Variants in C2orf42 observed in about 807,000 individuals in gnomAD.
C2orf42 encodes the protein chromosome 2 open reading frame 42, also known as uncharacterized protein C2orf42.
C2orf42 carries 44 observed loss-of-function variants against 58.9 expected under a neutral mutation model. That is an observed-to-expected ratio of 0.75 (90% confidence interval 0.59 to 0.96). The LOEUF (loss-of-function observed/expected upper bound fraction) is 0.96. Ranked by LOEUF, C2orf42 falls within the 40% of genes least tolerant of loss-of-function variation. The probability of loss-of-function intolerance (pLI) is 0.00; values close to 1 mark genes in which losing one functional copy is unlikely to be tolerated. For synonymous variants in C2orf42, 239 were observed against 265.4 expected (o/e 0.90, Z 0.97); for missense variants, 630 against 699.2 (o/e 0.90, Z 1.12).
At chr2:70,187,622 T>TTG (rs925643320) in intron 1 of C2orf42, among the ~76,000 whole-genome samples, 1 of 152,164 alleles carries the variant, frequency 6.6e-6, no homozygotes, top group Non-Finnish European at 1.5e-5. Context: ...TAAATCCATA[T>TTG]TTCTTTATTA....
At chr2:70,156,118 G>A (rs137941606) in intron 9 of C2orf42, among the ~76,000 whole-genome samples, 2,305 of 152,024 alleles carry the variant, frequency 0.015, 52 homozygotes, top group African/African-American at 0.053. Context: ...TTGCCCCATT[G>A]CACTCCAGCC....
chr2:70,182,138 C>T (rs568570786), intron 2 of C2orf42, 141 bp from the exon 3 acceptor site: 99 of 581,136 alleles, frequency 1.7e-4, no homozygotes, highest in Non-Finnish European at 2.6e-4. Flanking sequence ...CTCGCTCTGT[C>T]GCCCAGGCTG....
At chr2:70,186,710 C>G (rs1303386612) in intron 1 of C2orf42, among the ~76,000 whole-genome samples, 1 of 152,136 alleles carries the variant, frequency 6.6e-6, no homozygotes, top group Non-Finnish European at 1.5e-5. Flanking sequence ...ACCCAAATAT[C>G]CAACAATGAT....
intron 1 of C2orf42, among the ~76,000 whole-genome samples, chr2:70,189,406 C>CAAAAAAAAAAAAAAAAAAAA (rs1182514916): frequency 3.7e-5 from 1 of 27,126 alleles, no homozygotes; most frequent in Non-Finnish European, 7.8e-5. Context: ...AACTCCATCT[C>CAAAAAAAAAAAAAAAAAAAA]AAAAAAAAAA....
chr2:70,175,574 TG>T, intron 5 of C2orf42, 98 bp downstream of exon 5: 3 of 783,806 alleles, frequency 3.8e-6, no homozygotes, highest in South Asian at 1.4e-5. Context: ...GTATTTATGC[TG>T]GGACTCTTTG....
At chr2:70,171,587 T>C (rs569320946) in intron 5 of C2orf42, among the ~76,000 whole-genome samples, 1 of 152,152 alleles carries the variant, frequency 6.6e-6, no homozygotes, top group South Asian at 2.1e-4. Context: ...CTCAGCTCAC[T>C]GCAACCCCTG....
At chr2:70,181,074 T>A (rs1017411996) in intron 3 of C2orf42, 89 bp downstream of exon 3, 1 of 676,050 alleles carries the variant, frequency 1.5e-6, no homozygotes, top group Admixed American at 2.6e-5. Flanking sequence ...TTTCTGAAGG[T>A]TGCTAAGACA....
In C2orf42 at chr2:70,170,254, A is replaced by AT. The variant is rs11357433; in HGVS notation, c.1040-594dup. Reference sequence around the variant, plus strand: ...ACTAAGTGAAATAAGATATTCTGGGATTTTTTTTTTTTTCTTCAGTCTCAC... The same window carrying AT: ...ACTAAGTGAAATAAGATATTCTGGGATTTTTTTTTTTTTTCTTCAGTCTCAC... On this transcript the variant is annotated intron_variant, in intron 5 of 9. Coordinates refer to ENST00000264434, the MANE Select transcript of C2orf42 (RefSeq NM_017880.3). Among the ~76,000 whole-genome samples, 379 of 142,362 alleles carry AT rather than the reference A, an allele frequency of 2.7e-3. 1 individual carries two copies. The highest frequency in any genetic ancestry group is 4.1e-3 in the Non-Finnish European group (266 of 65,046). 93.4% of individuals were successfully genotyped at this position (142,362 alleles called of 152,430 possible).
chr2:70,164,003 T>A (rs1673230180), intron 8 of C2orf42, among the ~76,000 whole-genome samples: 1 of 148,070 alleles, frequency 6.8e-6, no homozygotes, highest in Non-Finnish European at 1.5e-5. Flanking sequence ...GACCCTATCT[T>A]AAATTTTTTT....
In C2orf42 at chr2:70,181,734, A is replaced by G. The variant is rs536016480; in HGVS notation, c.252T>C (p.Pro84=). 2.5e-6 allele frequency: 4 copies of G among 1,614,180 alleles called. No individual in the cohort carries two copies. Among genetic ancestry groups the G allele is most frequent in the East Asian group, 2.2e-5 (1 of 44,882 alleles). ...VYSVRQRDRG[P]DYRCFVELGV... is the part of the protein sequence containing the mutation. ...CGAGCTCCACAAAGCATCGGTAATC[A>G]GGGCCCCGGTCTCTTTGCCGCACTG... Residue 84 remains proline (P), a synonymous_variant, in exon 3 of 10, where the codon CCT becomes CCC. Coordinates refer to ENST00000264434, the MANE Select transcript of C2orf42 (RefSeq NM_017880.3).
At chr2:70,190,437 T>A (rs1393306089) in intron 1 of C2orf42, 2 of 152,234 alleles carry the variant, frequency 1.3e-5, no homozygotes, top group Non-Finnish European at 2.9e-5. Flanking sequence ...TCTATGCATG[T>A]ACTGCCCACA....
At chr2:70,176,848 T>C (rs1376237850) in intron 4 of C2orf42, among the ~76,000 whole-genome samples, 1 of 152,158 alleles carries the variant, frequency 6.6e-6, no homozygotes, top group Non-Finnish European at 1.5e-5. Context: ...TTTACCATGG[T>C]TCATTTAACT....
chr2:70,179,034 A>G (rs747942758), intron 4 of C2orf42, among the ~76,000 whole-genome samples: 1 of 152,182 alleles, frequency 6.6e-6, no homozygotes, highest in Non-Finnish European at 1.5e-5. Flanking sequence ...TGTGGGGAAT[A>G]TAACCATTGT....
chr2:70,157,846 A>G (rs1231570489), intron 9 of C2orf42, among the ~76,000 whole-genome samples: 2 of 152,158 alleles, frequency 1.3e-5, no homozygotes, highest in African/African-American at 2.4e-5. Flanking sequence ...AATAACATCT[A>G]TGCTAGCACA....
chr2:70,158,178 G>A (rs888098873), intron 9 of C2orf42, among the ~76,000 whole-genome samples: 12 of 148,180 alleles, frequency 8.1e-5, no homozygotes, highest in Admixed American at 1.4e-4. Flanking sequence ...CAGCCTGAGC[G>A]ACAGAGTGAG....
At chr2:70,151,880 T>G (rs1672336789) in intron 9 of C2orf42, among the ~76,000 whole-genome samples, 1 of 151,934 alleles carries the variant, frequency 6.6e-6, no homozygotes. Context: ...CCTCCTGGGT[T>G]CAGGTGATTC....
chr2:70,183,704 A>G (rs559953208), intron 1 of C2orf42, among the ~76,000 whole-genome samples: 1 of 147,442 alleles, frequency 6.8e-6, no homozygotes, highest in Admixed American at 6.8e-5. Context: ...GCGTGAGCCA[A>G]TGCGCCCGGC....
At chr2:70,178,316 A>G (rs1674325356) in intron 4 of C2orf42, among the ~76,000 whole-genome samples, 1 of 152,128 alleles carries the variant, frequency 6.6e-6, no homozygotes, top group Non-Finnish European at 1.5e-5. Flanking sequence ...GAATTTAAAA[A>G]TGTGGCCTGG....
intron 8 of C2orf42, among the ~76,000 whole-genome samples, chr2:70,161,229 G>A (rs1159028830): frequency 6.6e-6 from 1 of 152,188 alleles, no homozygotes; most frequent in Non-Finnish European, 1.5e-5. Flanking sequence ...ACTGGAACTG[G>A]ATGCTGTGGT....
Sources: allele counts gnomAD v4.1 joint callset (sites outside exome capture counted in the v4.1 genomes callset), GRCh38; gene constraint gnomAD v4.1.1; transcripts MANE v1.5; gene names NCBI Gene and HGNC (gene_info 2026-07-23, HGNC 2026-07-21).